The following ADAM32 variants were observed in gnomAD, a reference collection of about 807,000 sequenced individuals.
ADAM32 encodes disintegrin and metalloproteinase domain-containing protein 32.
A neutral mutation model predicts 114.9 loss-of-function variants in ADAM32; 89 were observed. That is an observed-to-expected ratio of 0.77 (90% CI 0.65 to 0.92). The LOEUF is 0.92. Among genes scored for constraint, ADAM32 ranks in the 40% least tolerant of loss-of-function variants. The pLI, the probability that ADAM32 is intolerant of heterozygous loss-of-function variation, is 0.00. For missense variants in ADAM32, 870 were observed against 932.8 expected (o/e 0.93, Z 0.88); for synonymous variants, 285 against 307.5 (o/e 0.93, Z 0.77).
At chr8:39,107,983 G>C in intron 1 of ADAM32, 150 bp downstream of exon 1, 2 of 1,094,514 alleles carry the variant, frequency 1.8e-6, no homozygotes, top group East Asian at 5.8e-5. Flanking sequence ...CGCCCCGTCC[G>C]GATGGAGAAG....
chr8:39,140,193 C>G (rs936052485), intron 3 of ADAM32, among the ~76,000 whole-genome samples: 4 of 152,110 alleles, frequency 2.6e-5, no homozygotes, highest in African/African-American at 9.7e-5. Context: ...TTTCCCTGGC[C>G]AGAACTTCCA....
At chr8:39,235,623 T>A (rs1199479302) in intron 16 of ADAM32, among the ~76,000 whole-genome samples, 5 of 152,206 alleles carry the variant, frequency 3.3e-5, no homozygotes. Context: ...AGAAATAATG[T>A]GTAAAAACAA....
intron 24 of ADAM32, 104 bp from the exon 25 acceptor site, chr8:39,284,689 G>T (rs1007532127): frequency 9.7e-6 from 12 of 1,240,234 alleles, no homozygotes; most frequent in Admixed American, 2.1e-5. Flanking sequence ...TCTTTTTTTC[G>T]TGCCACATGA....
chr8:39,131,550 T>C (rs1243096749), intron 2 of ADAM32, among the ~76,000 whole-genome samples: 1 of 152,194 alleles, frequency 6.6e-6, no homozygotes, highest in Non-Finnish European at 1.5e-5. Context: ...CTCTCCATTA[T>C]TGTGAGTGGA....
At chr8:39,188,402 T>C (rs890101178) in intron 11 of ADAM32, among the ~76,000 whole-genome samples, 2 of 152,006 alleles carry the variant, frequency 1.3e-5, no homozygotes, top group East Asian at 1.9e-4. Flanking sequence ...TCTATCTATC[T>C]ATCCATCCAT....
At position 39,254,412 on chromosome 8, in the gene ADAM32, AGGTGT is replaced by A; in HGVS notation, c.1903_1907del (p.Val635Ter). 1.9e-6 allele frequency: 3 copies of A among 1,585,182 alleles called. No homozygotes were observed. The highest frequency in any genetic ancestry group is 2.6e-6 in the Non-Finnish European group (3 of 1,162,178). ...TCATTTAATTTTTCAAAATGATCCT[AGGTGT>A]GTGATTCCAGAAACAAGTGCCATTG... On this transcript the variant is annotated splice_acceptor_variant and coding_sequence_variant, in exon 18 of 25. Coordinates refer to ENST00000379907, the MANE Select transcript of ADAM32 (RefSeq NM_145004.7). LOFTEE classifies it high-confidence loss of function.
intron 12 of ADAM32, chr8:39,221,096 G>C (rs975067979): frequency 6.6e-6 from 1 of 151,636 alleles, no homozygotes. Flanking sequence ...ACCAGTGTTG[G>C]GTGCACTGTA....
At chr8:39,182,784 C>T (rs576396479) in intron 10 of ADAM32, among the ~76,000 whole-genome samples, 16 of 152,284 alleles carry the variant, frequency 1.1e-4, no homozygotes, top group South Asian at 2.1e-4. Context: ...CCTGATTTTT[C>T]GTAATCCTTG....
intron 17 of ADAM32, 76 bp from the exon 18 acceptor site, chr8:39,254,338 C>G (rs765112800): frequency 1.8e-5 from 22 of 1,230,628 alleles, no homozygotes; most frequent in Non-Finnish European, 2.5e-5. Flanking sequence ...GATTATGGTA[C>G]AAAAGTAAGC....
At chr8:39,107,912 C>A (rs986532656) in intron 1 of ADAM32, 79 bp downstream of exon 1, 1 of 1,440,802 alleles carries the variant, frequency 6.9e-7, no homozygotes, top group Non-Finnish European at 9.1e-7. Flanking sequence ...CCGGGGCCCT[C>A]CCTGTCTGGG....
intron 3 of ADAM32, among the ~76,000 whole-genome samples, chr8:39,141,677 G>A (rs1803162627): frequency 6.6e-6 from 1 of 152,168 alleles, no homozygotes; most frequent in African/African-American, 2.4e-5. Context: ...TTGATTTGGG[G>A]TGGAGAGTTC....
chr8:39,188,446 C>T (rs763887465), intron 11 of ADAM32, among the ~76,000 whole-genome samples: 1 of 151,974 alleles, frequency 6.6e-6, no homozygotes, highest in Non-Finnish European at 1.5e-5. Flanking sequence ...TTATTTTGGG[C>T]TCATTGTTCA....
intron 11 of ADAM32, among the ~76,000 whole-genome samples, chr8:39,209,738 G>A (rs1808088998): frequency 6.6e-6 from 1 of 152,078 alleles, no homozygotes; most frequent in South Asian, 2.1e-4. Context: ...AGATTCCTAT[G>A]CATCCAACCC....
At chr8:39,149,983 AATG>A (rs1803725714) in intron 5 of ADAM32, 116 bp downstream of exon 5, 1 of 649,386 alleles carries the variant, frequency 1.5e-6, no homozygotes, top group East Asian at 3.0e-5. Context: ...GAGATTATTT[AATG>A]ATATCCCCCT....
At chr8:39,283,738 C>T in intron 24 of ADAM32, 114 bp downstream of exon 24, 2 of 641,598 alleles carry the variant, frequency 3.1e-6, no homozygotes, top group Non-Finnish European at 2.5e-6. Flanking sequence ...TGGTAAAGTA[C>T]TGCACCAATA....
At chr8:39,192,824 A>G (rs1354091358) in intron 11 of ADAM32, among the ~76,000 whole-genome samples, 1 of 152,162 alleles carries the variant, frequency 6.6e-6, no homozygotes, top group Non-Finnish European at 1.5e-5. Context: ...CTTTTCTTTA[A>G]GAACATTGAA....
At chr8:39,239,770 G>A (rs117036342) in intron 16 of ADAM32, among the ~76,000 whole-genome samples, 37 of 152,272 alleles carry the variant, frequency 2.4e-4, no homozygotes, top group Non-Finnish European at 4.6e-4. Context: ...GTGAGCAGGA[G>A]TAGCTATTCT....
At chr8:39,266,017 C>G (rs920829913) in intron 19 of ADAM32, among the ~76,000 whole-genome samples, 4 of 152,214 alleles carry the variant, frequency 2.6e-5, no homozygotes, top group Admixed American at 2.6e-4. Flanking sequence ...TGTAAGGTTT[C>G]TGCAGAAAAT....
intron 16 of ADAM32, among the ~76,000 whole-genome samples, chr8:39,238,580 A>G (rs1037746186): frequency 3.3e-5 from 5 of 152,210 alleles, no homozygotes; most frequent in Non-Finnish European, 5.9e-5. Context: ...AACGAAGGAG[A>G]AATTTCTGAA....
Sources: allele counts gnomAD v4.1 joint callset (sites outside exome capture counted in the v4.1 genomes callset), GRCh38; gene constraint gnomAD v4.1.1; transcripts MANE v1.5; gene names NCBI Gene and HGNC (gene_info 2026-07-23, HGNC 2026-07-21).